Variants in DNAI2 observed in about 807,000 individuals in gnomAD.
DNAI2 encodes the protein dynein, axonemal, intermediate polypeptide 2.
DNAI2 carries 63 observed loss-of-function variants against 74.7 expected under a neutral mutation model. The observed-to-expected ratio is 0.84, with a 90% CI of 0.69 to 1.04. DNAI2 has a LOEUF of 1.04. Ranked by LOEUF, DNAI2 falls within the 50% of genes least tolerant of loss-of-function variation. The pLI is 0.00. For missense variants in DNAI2, 688 were observed against 803.2 expected, an observed-to-expected ratio of 0.86 and a Z score of 1.73; for synonymous variants, 289 against 314.9, an observed-to-expected ratio of 0.92 and a Z score of 0.87.
intron 5 of DNAI2, among the ~76,000 whole-genome samples, 189 bp from the exon 6 acceptor site, chr17:74,290,831 T>C (rs1235324733): frequency 6.6e-6 from 1 of 152,160 alleles, no homozygotes; most frequent in Non-Finnish European, 1.5e-5. Context: ...GCAAAGCCCC[T>C]AGGGTCAAGA....
intron 2 of DNAI2, among the ~76,000 whole-genome samples, chr17:74,282,300 G>A (rs1351778733): frequency 8.0e-6 from 1 of 125,364 alleles, no homozygotes; most frequent in Non-Finnish European, 1.7e-5. Flanking sequence ...GATGTTTGGT[G>A]TAGCTGGGAG....
Position 74,314,668 on chromosome 17 carries a change from C to G in DNAI2, c.*135C>G. On this transcript the variant is annotated 3_prime_UTR_variant, in exon 14 of 14. Coordinates refer to ENST00000311014, the MANE Select transcript of DNAI2 (RefSeq NM_023036.6). ...TGGGGAAGGGTTTCTCCTCCATGAT[C>G]GACCCTCCTCGTCCACCTACAAATC... The G allele has an allele frequency of 4.3e-6, 1 of 230,838 alleles. No homozygotes were observed. Among genetic ancestry groups the G allele is most frequent in the South Asian group, 6.5e-5 (1 of 15,480 alleles). 14.3% of individuals were successfully genotyped at this position (230,838 alleles called of 1,614,324 possible).
At chr17:74,311,249 C>T (rs1163033835) in intron 11 of DNAI2, among the ~76,000 whole-genome samples, 1 of 152,216 alleles carries the variant, frequency 6.6e-6, no homozygotes, top group Non-Finnish European at 1.5e-5. Context: ...TCCATTCCTA[C>T]ATCCTTTCCC....
chr17:74,282,515 G>C (rs1031780598), intron 2 of DNAI2, among the ~76,000 whole-genome samples: 1 of 152,172 alleles, frequency 6.6e-6, no homozygotes, highest in Admixed American at 6.5e-5. Flanking sequence ...TGCCCAGGCT[G>C]GTCTCAAGCT....
chr17:74,301,818 A>C (rs574916916), intron 8 of DNAI2, among the ~76,000 whole-genome samples: 3 of 145,790 alleles, frequency 2.1e-5, no homozygotes, highest in Non-Finnish European at 4.5e-5. Flanking sequence ...AGAAAGAAAG[A>C]AAGAGAGGGA....
chr17:74,287,159 C>G, intron 4 of DNAI2, 61 bp downstream of exon 4: 2 of 1,600,720 alleles, frequency 1.2e-6, no homozygotes, highest in Middle Eastern at 3.5e-4. Flanking sequence ...ATGGGCGCCT[C>G]CAAAGGCAAC....
intron 6 of DNAI2, among the ~76,000 whole-genome samples, chr17:74,291,637 T>G (rs1429331180): frequency 6.6e-6 from 1 of 152,208 alleles, no homozygotes; most frequent in Non-Finnish European, 1.5e-5. Context: ...CTGTTACTAC[T>G]GTAAGTCTAA....
At chr17:74,291,327 A>AT (rs1268256800) in intron 6 of DNAI2, among the ~76,000 whole-genome samples, 194 bp downstream of exon 6, 3 of 151,846 alleles carry the variant, frequency 2.0e-5, no homozygotes, top group Admixed American at 1.3e-4. Context: ...CACCTGGCTA[A>AT]TTTTTTTGTT....
intron 4 of DNAI2, among the ~76,000 whole-genome samples, chr17:74,287,968 A>G (rs1216969152): frequency 1.3e-5 from 2 of 151,732 alleles, no homozygotes; most frequent in Non-Finnish European, 2.9e-5. Flanking sequence ...AAAAAAAAAA[A>G]AGCAGTGCAA....
rs56696514 is a variant in DNAI2 at position 74,304,186 on chromosome 17, C to CTTT, written c.988-1009_988-1007dup. Among the ~76,000 whole-genome samples the CTTT allele has an allele frequency of 1.5e-3, 102 of 67,648 alleles. 8 individuals are homozygous for CTTT. Among genetic ancestry groups the CTTT allele is most frequent in the African/African-American group, 3.1e-3 (54 of 17,218 alleles). The allele number at this position is 67,648 out of a possible 152,430, so 44.4% of individuals were successfully genotyped here. ...CTTTTCTTTTTTCTTTTTCTTTTTT[C>CTTT]TTTTTTTTTTTTTTTTTTTTTTTTT... is the stretch of plus-strand genomic sequence containing the variant. On this transcript the variant is annotated intron_variant, in intron 8 of 13. Transcript: ENST00000311014.
intron 12 of DNAI2, chr17:74,313,903 C>A: frequency 1.6e-6 from 1 of 617,760 alleles, no homozygotes; most frequent in Non-Finnish European, 2.8e-6. Flanking sequence ...AGAAGCCAGG[C>A]GTGAACCCAA....
chr17:74,299,801 A>G lies in DNAI2; in HGVS notation c.808A>G (p.Ile270Val), dbSNP rs1416922778. Residue 270 changes from isoleucine to valine, a missense_variant, in exon 7 of 14, where the codon ATC (isoleucine) becomes GTC (valine). Coordinates refer to ENST00000311014, the MANE Select transcript of DNAI2 (RefSeq NM_023036.6). Reference sequence around the variant, plus strand: ...CCACCGAGACCCTGTGTATGGCACCATCTGGCTGCAGTCGAAGACGGGCAC... The same window carrying G: ...CCACCGAGACCCTGTGTATGGCACCGTCTGGCTGCAGTCGAAGACGGGCAC... ...SSHRDPVYGT[I>V]WLQSKTGTEC... 1 of 1,613,344 alleles carries G rather than the reference A, an allele frequency of 6.2e-7. No homozygotes were observed.
chr17:74,301,796 C>A (rs1261006467), intron 8 of DNAI2, among the ~76,000 whole-genome samples: 1 of 136,636 alleles, frequency 7.3e-6, no homozygotes, highest in African/African-American at 2.8e-5. Flanking sequence ...CCCGCCCAGT[C>A]TTTACCAAGA....
rs564894784 is a variant in DNAI2 at position 74,281,969 on chromosome 17, T to A, written c.152T>A (p.Ile51Asn). The change falls in exon 2 of 14, where the codon ATC becomes AAC. Residue 51 changes from isoleucine to asparagine, a missense_variant. Ile to Asn is a moderately radical substitution (Grantham distance 149). Coordinates refer to ENST00000311014, the MANE Select transcript of DNAI2 (RefSeq NM_023036.6). ...FVERNPVDTG[I>N]QCSISMSEHE... ...GAGCGGAACCCAGTGGACACGGGCA[T>A]CCAGTGCTCGATCAGCATGTCGGAA... is the stretch of plus-strand genomic sequence containing the variant. 2 of 1,614,056 alleles carry A rather than the reference T, an allele frequency of 1.2e-6. No individual in the cohort carries two copies. Among genetic ancestry groups the A allele is most frequent in the East Asian group, 2.2e-5 (1 of 44,870 alleles).
chr17:74,312,684 G>C (rs189997691), intron 12 of DNAI2, among the ~76,000 whole-genome samples: 184 of 152,282 alleles, frequency 1.2e-3, no homozygotes, highest in Non-Finnish European at 1.9e-3. Flanking sequence ...TGTGACCTGT[G>C]GTCAGCTCAT....
intron 8 of DNAI2, 109 bp downstream of exon 8, chr17:74,301,277 A>G (rs1873621180): frequency 6.5e-7 from 1 of 1,542,102 alleles, no homozygotes; most frequent in Non-Finnish European, 8.9e-7. Context: ...GCACCAGCCC[A>G]GGGAGGCCAC....
chr17:74,298,859 A>G (rs1054146497), intron 6 of DNAI2, among the ~76,000 whole-genome samples: 5 of 152,128 alleles, frequency 3.3e-5, no homozygotes, highest in Non-Finnish European at 4.4e-5. Context: ...CCTGGGCTCA[A>G]GCAATCCTTT....
At chr17:74,302,078 G>GGAAGGAAGGAAGGAAGGAAGGAAGGAAA (rs2052884472) in intron 8 of DNAI2, among the ~76,000 whole-genome samples, 1 of 83,252 alleles carries the variant, frequency 1.2e-5, no homozygotes, top group African/African-American at 4.8e-5. Context: ...AAAGAAGGAA[G>GGAAGGAAGGAAGGAAGGAAGGAAGGAAA]GAAGGAAGGA....
In DNAI2 at chr17:74,286,956, C is replaced by T. The variant is rs753955995; in HGVS notation, c.346-21C>T. On this transcript the variant is annotated intron_variant, in intron 3 of 13. Coordinates refer to ENST00000311014, the MANE Select transcript of DNAI2 (RefSeq NM_023036.6). ...AAGGACCTCCATTTACTGCGGAGAA[C>T]TTCCAATGTGTCCCCCCTAGATCAT... The T allele has an allele frequency of 7.4e-6, 12 of 1,613,568 alleles. No individual in the cohort carries two copies. In the South Asian group the frequency reaches 9.9e-5, roughly 13 times the overall value.
Sources: gnomAD v4.1 joint callset for allele counts (sites outside exome capture counted in the v4.1 genomes callset) on GRCh38, gnomAD v4.1.1 for gene constraint, MANE v1.5 for transcripts, NCBI Gene and HGNC (gene_info 2026-07-23, HGNC 2026-07-21) for gene names.